The following LRP1B variants were observed in gnomAD, a reference collection of about 807,000 sequenced individuals.
LRP1B encodes the protein low-density lipoprotein receptor-related protein 1B.
Under a neutral mutation model 556.6 loss-of-function variants are expected in LRP1B, and 217 were observed. That is an observed-to-expected ratio of 0.39 (90% CI 0.35 to 0.44). The LOEUF is 0.44. LRP1B is among the 20% of genes least tolerant of loss of function. The pLI, the probability that LRP1B is intolerant of heterozygous loss-of-function variation, is 1.00. For synonymous variants in LRP1B, 2,047 were observed against 1,865.8 expected, an observed-to-expected ratio of 1.10 and a Z score of -2.50; for missense variants, 5,053 against 5,620.8, an observed-to-expected ratio of 0.90 and a Z score of 3.23.
chr2:141,820,990 C>G (rs939444469), intron 1 of LRP1B, among the ~76,000 whole-genome samples: 1 of 152,140 alleles, frequency 6.6e-6, no homozygotes, highest in Admixed American at 6.6e-5. Context: ...GGCCCAATAT[C>G]ATCACAAGGG....
rs938342088 is a variant in LRP1B at position 140,651,017 on chromosome 2, CTAGTCATCAGT to C, written c.6799+49222_6799+49232del. Among the ~76,000 whole-genome samples, 35 of 152,128 alleles carry C rather than the reference CTAGTCATCAGT, an allele frequency of 2.3e-4. 1 individual carries two copies. Among genetic ancestry groups the C allele is most frequent in the Admixed American group, 2.0e-3 (30 of 15,274 alleles). ...CCAAATAGTAAATCCATATTAACAGCTAGTCATCAGTTAGTCATCCTTAAGTACATGTACAA... is the reference window on the plus strand; with the variant it reads ...CCAAATAGTAAATCCATATTAACAGCTAGTCATCCTTAAGTACATGTACAA... On this transcript the variant is annotated intron_variant, in intron 41 of 90. Coordinates refer to ENST00000389484, the MANE Select transcript of LRP1B (RefSeq NM_018557.3).
chr2:141,509,967 C>T (rs916937205), intron 2 of LRP1B, among the ~76,000 whole-genome samples: 22 of 152,028 alleles, frequency 1.4e-4, no homozygotes, highest in Admixed American at 1.3e-3. Context: ...CTATTTCAAC[C>T]TTTTGTCCTC....
chr2:140,711,849 T>G (rs1687041682), intron 37 of LRP1B, among the ~76,000 whole-genome samples: 2 of 152,114 alleles, frequency 1.3e-5, no homozygotes, highest in African/African-American at 4.8e-5. Flanking sequence ...TTTCACTCCA[T>G]CCCCGAAGGG....
rs774081747 is a variant in LRP1B at position 141,701,383 on chromosome 2, A to G, written c.205+108896T>C. On this transcript the variant is annotated intron_variant, in intron 2 of 90. Coordinates refer to ENST00000389484, the MANE Select transcript of LRP1B (RefSeq NM_018557.3). Reference sequence around the variant, plus strand: ...TGTGGCATGCTTTACCCTTGTCTGTATGATGGACTCCTAAGCATCACAAGA... The same window carrying G: ...TGTGGCATGCTTTACCCTTGTCTGTGTGATGGACTCCTAAGCATCACAAGA... 7.2e-4 allele frequency among the ~76,000 whole-genome samples: 109 copies of G among 151,814 alleles called. 1 individual carries two copies. Among genetic ancestry groups the G allele is most frequent in the Non-Finnish European group, 1.2e-3 (81 of 67,900 alleles).
chr2:141,573,249 A>G (rs1686600803), intron 2 of LRP1B, among the ~76,000 whole-genome samples: 2 of 152,216 alleles, frequency 1.3e-5, no homozygotes, highest in African/African-American at 4.8e-5. Flanking sequence ...ACAGTCTCTC[A>G]GACCACAGTG....
At chr2:141,617,129 A>G (rs982501907) in intron 2 of LRP1B, among the ~76,000 whole-genome samples, 1 of 152,124 alleles carries the variant, frequency 6.6e-6, no homozygotes, top group Non-Finnish European at 1.5e-5. Context: ...CTGTATTTTG[A>G]TTACATTCGG....
intron 37 of LRP1B, among the ~76,000 whole-genome samples, chr2:140,713,417 G>T (rs1295482440): frequency 1.3e-5 from 2 of 151,792 alleles, no homozygotes; most frequent in African/African-American, 4.8e-5. Flanking sequence ...TTGGCTTGAG[G>T]GAAGGGAAAG....
chr2:140,516,284 A>G (rs1424223568), intron 50 of LRP1B, among the ~76,000 whole-genome samples: 1 of 152,116 alleles, frequency 6.6e-6, no homozygotes. Flanking sequence ...ATAACAATAC[A>G]AGAATAAAAT....
chr2:140,542,738 G>A (rs1161303382), intron 43 of LRP1B, among the ~76,000 whole-genome samples: 1 of 152,138 alleles, frequency 6.6e-6, no homozygotes, highest in Non-Finnish European at 1.5e-5. Context: ...GTTACGGGAA[G>A]TGAAAGTTAT....
At chr2:140,885,671 A>G (rs946791144) in intron 24 of LRP1B, among the ~76,000 whole-genome samples, 2 of 151,972 alleles carry the variant, frequency 1.3e-5, no homozygotes, top group African/African-American at 4.8e-5. Context: ...AAGACTTTCT[A>G]CTTAAGAAAG....
intron 66 of LRP1B, among the ~76,000 whole-genome samples, chr2:140,408,854 TA>T (rs1440606753): frequency 6.6e-6 from 1 of 151,938 alleles, no homozygotes; most frequent in African/African-American, 2.4e-5. Context: ...TGGGAATGTT[TA>T]AGGAACAGTG....
intron 88 of LRP1B, 69 bp from the exon 89 acceptor site, chr2:140,238,365 AT>A: frequency 1.3e-6 from 1 of 744,668 alleles, no homozygotes; most frequent in Non-Finnish European, 2.1e-6. Context: ...ATGAAATTAT[AT>A]TTATAGATTT....
intron 1 of LRP1B, among the ~76,000 whole-genome samples, chr2:141,931,854 A>G (rs1700516594): frequency 6.6e-6 from 1 of 152,108 alleles, no homozygotes; most frequent in Admixed American, 6.6e-5. Flanking sequence ...GGCACAGAGT[A>G]TGTGACAGAC....
At chr2:140,601,840 C>CA (rs1423881808) in intron 41 of LRP1B, among the ~76,000 whole-genome samples, 5 of 151,706 alleles carry the variant, frequency 3.3e-5, no homozygotes, top group East Asian at 1.9e-4. Flanking sequence ...GCAATTTTTG[C>CA]AAAAAATGTC....
At chr2:142,035,182 C>G (rs568551692) in intron 1 of LRP1B, among the ~76,000 whole-genome samples, 3 of 151,538 alleles carry the variant, frequency 2.0e-5, no homozygotes, top group Non-Finnish European at 4.4e-5. Flanking sequence ...ACATATTAGT[C>G]GCAAAGATGC....
chr2:140,951,749 T>C, intron 19 of LRP1B, 111 bp downstream of exon 19: 1 of 765,678 alleles, frequency 1.3e-6, no homozygotes, highest in Admixed American at 2.7e-5. Flanking sequence ...TTAGCCGTTT[T>C]TCTTGGCTCT....
At chr2:142,116,109 C>A (rs1262754329) in intron 1 of LRP1B, among the ~76,000 whole-genome samples, 1 of 135,842 alleles carries the variant, frequency 7.4e-6, no homozygotes, top group Non-Finnish European at 1.5e-5. Context: ...CCCAGCTACT[C>A]AAGAGCCTGG....
intron 18 of LRP1B, among the ~76,000 whole-genome samples, chr2:140,968,522 T>C (rs1696307464): frequency 6.6e-6 from 1 of 151,516 alleles, no homozygotes; most frequent in African/African-American, 2.4e-5. Context: ...TTTGTGTCTC[T>C]ATCTCCTTCA....
intron 1 of LRP1B, among the ~76,000 whole-genome samples, chr2:141,825,327 T>G (rs1345823458): frequency 6.6e-6 from 1 of 152,166 alleles, no homozygotes; most frequent in Non-Finnish European, 1.5e-5. Flanking sequence ...ATAAAGGAGT[T>G]TGGAGTACTA....
Sources: allele counts gnomAD v4.1 joint callset (sites outside exome capture counted in the v4.1 genomes callset), GRCh38; gene constraint gnomAD v4.1.1; transcripts MANE v1.5; gene names NCBI Gene and HGNC (gene_info 2026-07-23, HGNC 2026-07-21).